Variants in PP2D1 observed in about 807,000 individuals in gnomAD.
The protein encoded by PP2D1 is protein phosphatase 2C like domain containing 1.
PP2D1 carries 25 observed loss-of-function variants against 30.2 expected under a neutral mutation model. The observed-to-expected ratio is 0.83, with a 90% confidence interval of 0.60 to 1.16. The LOEUF (loss-of-function observed/expected upper bound fraction) is 1.16. Among genes scored for constraint, PP2D1 ranks in the 50% most tolerant of loss-of-function variants. The pLI is 0.00. For missense variants in PP2D1, 760 were observed against 742.4 expected (o/e 1.02, Z -0.28); for synonymous variants, 260 against 258.9 (o/e 1.00, Z -0.04).
Position 19,986,075 on chromosome 3 carries a change from C to G in PP2D1, c.1198G>C (p.Val400Leu), listed in dbSNP as rs1697029118. Reference protein sequence around the residue: ...ERRRILQNGAVISSNEPYGLV... With the variant: ...ERRRILQNGALISSNEPYGLV... ...CCGTATGGTTCATTTGAACTAATGA[C>G]TGCTCCATTCTGAAGTATTCTTCTT... Residue 400 changes from valine to leucine, a missense_variant, in exon 3 of 3, where the codon GTC becomes CTC. Val to Leu is a conservative substitution (Grantham distance 32, BLOSUM62 1). Coordinates refer to ENST00000389050, the MANE Select transcript of PP2D1 (RefSeq NM_001252657.2). The G allele has an allele frequency of 2.4e-5, 37 of 1,536,042 alleles. No individual in the cohort carries two copies. Among genetic ancestry groups the G allele is most frequent in the Non-Finnish European group, 3.2e-5 (37 of 1,146,840 alleles).
At chr3:19,983,914 C>A, downstream of PP2D1, 2 of 839,114 alleles carry the variant, frequency 2.4e-6, no homozygotes, top group Non-Finnish European at 3.8e-6. Flanking sequence ...AGTATGACTT[C>A]CAAAAGAAGA....
At chr3:20,007,115 G>A (rs1221493607) in intron 1 of PP2D1, among the ~76,000 whole-genome samples, 1 of 151,650 alleles carries the variant, frequency 6.6e-6, no homozygotes, top group African/African-American at 2.4e-5. Context: ...CAAGTGATCC[G>A]CCCAGCTCTG....
intron 1 of PP2D1, among the ~76,000 whole-genome samples, chr3:20,006,239 C>T (rs1292731017): frequency 6.6e-6 from 1 of 152,196 alleles, no homozygotes; most frequent in Non-Finnish European, 1.5e-5. Flanking sequence ...GAGCGAGACA[C>T]TGTTCAAAAA....
At chr3:19,984,413 G>T, downstream of PP2D1, 4 of 206,198 alleles carry the variant, frequency 1.9e-5, no homozygotes, top group South Asian at 1.2e-4. Flanking sequence ...TACCCAGTCT[G>T]GTTTTTTTTT....
At chr3:19,993,463 C>T (rs1697141333) in intron 2 of PP2D1, among the ~76,000 whole-genome samples, 1 of 152,190 alleles carries the variant, frequency 6.6e-6, no homozygotes, top group South Asian at 2.1e-4. Context: ...TGGCCAGGTG[C>T]AGTGGCTCAT....
chr3:20,007,209 A>G (rs1222522926), intron 1 of PP2D1, among the ~76,000 whole-genome samples: 2 of 152,192 alleles, frequency 1.3e-5, no homozygotes, highest in African/African-American at 4.8e-5. Context: ...GATAGAATAT[A>G]CATAATCAAT....
intron 1 of PP2D1, among the ~76,000 whole-genome samples, chr3:20,004,881 G>A (rs1354036626): frequency 2.6e-5 from 4 of 152,188 alleles, no homozygotes; most frequent in African/African-American, 9.6e-5. Flanking sequence ...CCAAGGCAGG[G>A]AGATCACTTG....
At chr3:20,004,705 T>A (rs187974508) in intron 1 of PP2D1, among the ~76,000 whole-genome samples, 24 of 152,270 alleles carry the variant, frequency 1.6e-4, no homozygotes, top group African/African-American at 4.6e-4. Flanking sequence ...GCCATTTTTA[T>A]CCATTTCATG....
At chr3:19,984,079 A>G, downstream of PP2D1, 1 of 425,662 alleles carries the variant, frequency 2.3e-6, no homozygotes, top group Non-Finnish European at 4.3e-6. Context: ...GTTAGGGGGA[A>G]TAATTTCTCA....
At chr3:19,997,060 C>T (rs1399880393) in intron 2 of PP2D1, 2 of 151,772 alleles carry the variant, frequency 1.3e-5, no homozygotes, top group Non-Finnish European at 2.9e-5. Context: ...ATAGAAGAAA[C>T]ATATCTCAAC....
At chr3:19,998,958 GTCTT>G (rs753383357) in intron 2 of PP2D1, among the ~76,000 whole-genome samples, 18 of 151,876 alleles carry the variant, frequency 1.2e-4, no homozygotes, top group Non-Finnish European at 2.5e-4. Flanking sequence ...TCACCCATGT[GTCTT>G]TCTATGAAAA....
chr3:19,986,203 A>G, intron 2 of PP2D1, 21 bp from the exon 3 acceptor site: 6 of 1,433,994 alleles, frequency 4.2e-6, no homozygotes, highest in Non-Finnish European at 5.5e-6. Flanking sequence ...ATTTTTTAAA[A>G]GAAGAAATTT....
intron 2 of PP2D1, among the ~76,000 whole-genome samples, chr3:19,990,150 A>G (rs1388330132): frequency 1.3e-5 from 2 of 152,148 alleles, no homozygotes; most frequent in Non-Finnish European, 2.9e-5. Flanking sequence ...CCTGTTAAAA[A>G]GGGAGATAAT....
downstream of PP2D1, chr3:19,985,236 CTA>C: frequency 1.6e-6 from 1 of 638,884 alleles, no homozygotes; most frequent in Non-Finnish European, 2.6e-6. Flanking sequence ...ATAAATGATA[CTA>C]TATGACCTAG....
intron 2 of PP2D1, among the ~76,000 whole-genome samples, chr3:19,992,504 T>C (rs1057248206): frequency 2.6e-5 from 4 of 152,162 alleles, no homozygotes; most frequent in Admixed American, 1.3e-4. Flanking sequence ...AAGCAACTTA[T>C]TAAACTAGTC....
At chr3:19,987,724 A>G (rs1697058788) in intron 2 of PP2D1, among the ~76,000 whole-genome samples, 1 of 152,218 alleles carries the variant, frequency 6.6e-6, no homozygotes, top group Non-Finnish European at 1.5e-5. Context: ...AGCTGGGGCA[A>G]TATGGCAAAG....
At chr3:19,980,927 G>T (rs188406428), downstream of PP2D1, among the ~76,000 whole-genome samples, 1 of 152,286 alleles carries the variant, frequency 6.6e-6, no homozygotes, top group East Asian at 1.9e-4. Context: ...AATGGAATGT[G>T]TAGAACAAAT....
chr3:19,992,198 T>C (rs770062346), intron 2 of PP2D1, among the ~76,000 whole-genome samples: 1 of 152,216 alleles, frequency 6.6e-6, no homozygotes, highest in Non-Finnish European at 1.5e-5. Context: ...TATAGATGTG[T>C]GATCATGAAA....
chr3:19,987,785 A>G (rs1024300417), intron 2 of PP2D1, among the ~76,000 whole-genome samples: 1 of 152,210 alleles, frequency 6.6e-6, no homozygotes, highest in African/African-American at 2.4e-5. Flanking sequence ...TGTTGCGGGA[A>G]GTCAGGGACC....
Sources: allele counts gnomAD v4.1 joint callset (sites outside exome capture counted in the v4.1 genomes callset), GRCh38; gene constraint gnomAD v4.1.1; transcripts MANE v1.5; gene names NCBI Gene and HGNC (gene_info 2026-07-23, HGNC 2026-07-21).